Variants in SREBF1 observed in about 807,000 individuals in gnomAD.
SREBF1 encodes sterol regulatory element binding transcription factor 1, also known as sterol regulatory element-binding protein 1.
In SREBF1, 45 loss-of-function variants were observed where a neutral mutation model predicts 100.1. The ratio of observed to expected loss-of-function variants is 0.45; its 90% CI spans 0.35 to 0.58. SREBF1 has a LOEUF of 0.58. Ranked by LOEUF, SREBF1 falls within the 20% of genes least tolerant of loss-of-function variation. The pLI is 0.00. For missense variants in SREBF1, 1,324 were observed against 1,539.4 expected (o/e 0.86, Z 2.34); for synonymous variants, 657 against 681.8 (o/e 0.96, Z 0.57).
rs774280312 is a variant in SREBF1, at chr17:17,819,391, C to T, written c.775G>A (p.Gly259Arg). The T allele has an allele frequency of 1.8e-5, 29 of 1,613,752 alleles. No homozygotes were observed. Among genetic ancestry groups the T allele is most frequent in the East Asian group, 2.2e-5 (1 of 44,902 alleles). ...SLLLTAMKTD[G>R]ATVKAAGLSP... is the part of the protein sequence containing the mutation. ...AGACCTGCCGCCTTCACAGTGGCTC[C>T]GTCTGTCTTCATGGCTGTCAGAAGC... The change falls in exon 4 of 19, where the codon GGA becomes AGA. Residue 259 changes from glycine (G) to arginine (R), a missense_variant. Physicochemically the swap from Gly to Arg is moderately radical, Grantham distance 125 (BLOSUM62 -2). Transcript: ENST00000261646.
intron 1 of SREBF1, among the ~76,000 whole-genome samples, chr17:17,827,941 C>T (rs2034592639): frequency 6.6e-6 from 1 of 152,220 alleles, no homozygotes; most frequent in South Asian, 2.1e-4. Context: ...CTGCCTCCTC[C>T]TGGAGGCTTC....
chr17:17,823,710 TCCCGC>T, intron 1 of SREBF1: 2 of 492,638 alleles, frequency 4.1e-6, no homozygotes, highest in Non-Finnish European at 2.6e-6. Context: ...CGCCTGCAGG[TCCCGC>T]CCCGCCCCGC....
Position 17,820,181 on chromosome 17 carries a change from G to C in SREBF1, c.432C>G (p.Leu144=). The C allele has an allele frequency of 6.2e-7, 1 of 1,613,342 alleles. No individual in the cohort carries two copies. The highest frequency in any genetic ancestry group is 1.3e-5 in the African/African-American group (1 of 75,040). ...CTGGGGCTGGGAAGCTCTGTGGCAGGAGGGCCCCTGGCAGGGGCTGTGGGG... is the reference window on the plus strand; with the variant it reads ...CTGGGGCTGGGAAGCTCTGTGGCAGCAGGGCCCCTGGCAGGGGCTGTGGGG... ...TPTPQPLPGA[L]LPQSFPAPAP... Residue 144 remains leucine, a synonymous_variant, in exon 2 of 19, where the codon CTC becomes CTG. Coordinates refer to ENST00000261646, the MANE Select transcript of SREBF1 (RefSeq NM_004176.5).
intron 1 of SREBF1, chr17:17,823,609 T>A (rs368131584): frequency 1.2e-6 from 2 of 1,610,252 alleles, no homozygotes; most frequent in Non-Finnish European, 8.5e-7. Context: ...CGACTTCACC[T>A]GTCAAGGCGC....
chr17:17,829,749 A>G (rs1487598718), intron 1 of SREBF1, among the ~76,000 whole-genome samples: 1 of 151,852 alleles, frequency 6.6e-6, no homozygotes, highest in African/African-American at 2.4e-5. Flanking sequence ...GGCTCAAGCA[A>G]TCCTCCAGCT....
chr17:17,829,205 AATATATATATATATATATAT>A (rs71155305), intron 1 of SREBF1, among the ~76,000 whole-genome samples: 1 of 65,874 alleles, frequency 1.5e-5, no homozygotes, highest in African/African-American at 8.8e-5. Flanking sequence ...AAAAAAAAAA[AATATATATATATATATATAT>A]ATATATATAT....
chr17:17,814,413 G>C lies in SREBF1; in HGVS notation c.2736-3C>G. ...GAGCTGCCCTGGGCAGGGGTCTCCT[G>C]TTGGGACCAGGGCAGAAGAGTGCCA... On this transcript the variant is annotated splice_polypyrimidine_tract_variant and splice_region_variant and intron_variant, in intron 15 of 18. Transcript: ENST00000261646. 1 of 1,554,034 alleles carries C rather than the reference G, an allele frequency of 6.4e-7. No individual in the cohort carries two copies. The highest frequency in any genetic ancestry group is 1.4e-5 in the African/African-American group (1 of 73,532).
In SREBF1 at chr17:17,824,951, C is replaced by T. The variant is rs981908397; in HGVS notation, c.92-4430G>A. 2.0e-5 allele frequency among the ~76,000 whole-genome samples: 3 copies of T among 152,200 alleles called. No homozygotes were observed. The highest frequency in any genetic ancestry group is 7.2e-5 in the African/African-American group (3 of 41,450). ...ACGGCCTCTCTAGCATGGCCCAACC[C>T]TCCCCTCAGCCCGCGGGTGTTCCCT... On this transcript the variant is annotated intron_variant, in intron 1 of 18. Coordinates refer to ENST00000261646, the MANE Select transcript of SREBF1 (RefSeq NM_004176.5). The surrounding 1 kb of genome is among the most constrained non-coding windows in gnomAD (Gnocchi z 4.2).
At chr17:17,829,203 A>ATATAT (rs1555572767) in intron 1 of SREBF1, among the ~76,000 whole-genome samples, 1 of 36,120 alleles carries the variant, frequency 2.8e-5, no homozygotes, top group East Asian at 6.8e-4. Context: ...AAAAAAAAAA[A>ATATAT]AAATATATAT....
intron 5 of SREBF1, 140 bp from the exon 6 acceptor site, chr17:17,818,514 C>A: frequency 2.9e-6 from 2 of 688,574 alleles, no homozygotes; most frequent in Non-Finnish European, 5.3e-6. Flanking sequence ...TTCCTTCTAC[C>A]TGAACCGTTC....
At chr17:17,814,796 G>T (rs1197052238) in intron 14 of SREBF1, 39 bp downstream of exon 14, 1 of 1,609,114 alleles carries the variant, frequency 6.2e-7, no homozygotes, top group Non-Finnish European at 8.5e-7. Context: ...CTGCACGGGG[G>T]AGCTGAGAAG....
chr17:17,817,368 C>A lies in SREBF1; in HGVS notation c.1494G>T (p.Leu498=). ...LALCTLVFLC[L]SCNPLASLLG... Reference sequence around the variant, plus strand: ...GCAAGGAGGCCAAGGGGTTGCAGGACAGGCAGAGGAAGACGAGCGTGCACA... The same window carrying A: ...GCAAGGAGGCCAAGGGGTTGCAGGAAAGGCAGAGGAAGACGAGCGTGCACA... The change falls in exon 8 of 19, where the codon CTG becomes CTT. Residue 498 remains leucine (L), a synonymous_variant. Coordinates refer to ENST00000261646, the MANE Select transcript of SREBF1 (RefSeq NM_004176.5). This position sits in a 1 kb window ranked among gnomAD's most constrained non-coding sequence, Gnocchi z 6.6. 6.2e-7 allele frequency: 1 copy of A among 1,607,916 alleles called. No homozygotes were observed. Among genetic ancestry groups the A allele is most frequent in the South Asian group, 1.1e-5 (1 of 90,256 alleles).
rs1387421090 is a variant in SREBF1, at chr17:17,816,336, C to T, written c.2085G>A (p.Leu695=). ...HTGGHLTATN[L]ALSALNLAEC... is the part of the protein sequence containing the mutation. ...CTGCCAGGTTCAGGGCACTCAGCGC[C>T]AGGTTGGTGGCAGTGAGGTGCCCGC... Residue 695 remains leucine (L), a synonymous_variant, in exon 11 of 19, where the codon CTG becomes CTA. Transcript: ENST00000261646. The T allele has an allele frequency of 6.3e-7, 1 of 1,586,438 alleles. No homozygotes were observed. The highest frequency in any genetic ancestry group is 8.6e-7 in the Non-Finnish European group (1 of 1,168,694).
chr17:17,816,816 G>C, intron 9 of SREBF1, 98 bp from the exon 10 acceptor site: 4 of 1,576,896 alleles, frequency 2.5e-6, no homozygotes, highest in Non-Finnish European at 3.4e-6. Context: ...GGGGTGGTGG[G>C]GGTCTGCGGA....
rs1321448318 is a variant in SREBF1, at chr17:17,814,453, C to T, written c.2736-43G>A. 5 of 1,547,302 alleles carry T rather than the reference C, an allele frequency of 3.2e-6. No homozygotes were observed. The African/African-American group carries it at 6.8e-5, about 21-fold the overall frequency. ...GAAGAGTGCCAGTCAGACCAGTCCA[C>T]AAGCCCTGGCTGAGTGCCCCCCACT... On this transcript the variant is annotated intron_variant, in intron 15 of 18. Coordinates refer to ENST00000261646, the MANE Select transcript of SREBF1 (RefSeq NM_004176.5).
intron 1 of SREBF1, among the ~76,000 whole-genome samples, chr17:17,825,553 T>C (rs2034434124): frequency 6.6e-6 from 1 of 150,646 alleles, no homozygotes; most frequent in Non-Finnish European, 1.5e-5. Context: ...ACTCAAGGCC[T>C]GGCCAAACCC....
chr17:17,820,715 T>C, intron 1 of SREBF1, 194 bp from the exon 2 acceptor site: 1 of 666,642 alleles, frequency 1.5e-6, no homozygotes, highest in Non-Finnish European at 2.7e-6. Flanking sequence ...TGCGAGCACC[T>C]GTGCTGTCTA....
In SREBF1 at chr17:17,816,408, G is replaced by A. The variant is rs918844275; in HGVS notation, c.2048-35C>T. The A allele has an allele frequency of 5.6e-6, 9 of 1,598,356 alleles. No homozygotes were observed. The African/African-American group carries it at 1.2e-4, about 21-fold the overall frequency. ...AAGCAGGCATGAGGCTGTGGGTGGA[G>A]CACAGGCAGCAGGGAGCACCTCGGA... is the stretch of plus-strand genomic sequence containing the variant. On this transcript the variant is annotated intron_variant, in intron 10 of 18. Transcript: ENST00000261646.
chr17:17,819,783 G>T, intron 2 of SREBF1, 58 bp from the exon 3 acceptor site: 4 of 1,518,122 alleles, frequency 2.6e-6, no homozygotes, highest in Non-Finnish European at 3.5e-6. Flanking sequence ...CTTTCAACCT[G>T]CTCTTCAGGT....
Sources: allele counts gnomAD v4.1 joint callset (sites outside exome capture counted in the v4.1 genomes callset), GRCh38; gene constraint gnomAD v4.1.1; non-coding constraint Gnocchi (gnomAD v3.1); transcripts MANE v1.5; gene names NCBI Gene and HGNC (gene_info 2026-07-23, HGNC 2026-07-21).